Variants in TRUB1 observed in about 807,000 individuals in gnomAD.
TRUB1 encodes the protein TruB pseudouridine synthase family member 1, also known as pseudouridylate synthase TRUB1.
Under a neutral mutation model 33.9 loss-of-function variants are expected in TRUB1, and 23 were observed. The ratio of observed to expected loss-of-function variants is 0.68; its 90% confidence interval spans 0.49 to 0.96. The LOEUF (loss-of-function observed/expected upper bound fraction) is 0.96. Among genes scored for constraint, TRUB1 ranks in the 40% least tolerant of loss-of-function variants. The pLI, the probability that TRUB1 is intolerant of heterozygous loss-of-function variation, is 0.00. For synonymous variants in TRUB1, 163 were observed against 165.4 expected (o/e 0.99, Z 0.11); for missense variants, 378 against 422.2 (o/e 0.90, Z 0.92).
chr10:114,954,740 A>C (rs1289723307), intron 3 of TRUB1, among the ~76,000 whole-genome samples: 1 of 152,094 alleles, frequency 6.6e-6, no homozygotes, highest in Non-Finnish European at 1.5e-5. Context: ...TGTGTATGGA[A>C]ATTGCTCATT....
intron 3 of TRUB1, among the ~76,000 whole-genome samples, chr10:114,956,597 C>T (rs917103756): frequency 9.9e-5 from 15 of 152,082 alleles, no homozygotes; most frequent in African/African-American, 3.1e-4. Flanking sequence ...TTTCAATCAT[C>T]GGTTCGCAGG....
At chr10:114,954,065 A>AAG (rs1491119781) in intron 3 of TRUB1, among the ~76,000 whole-genome samples, 1 of 67,498 alleles carries the variant, frequency 1.5e-5, no homozygotes, top group Non-Finnish European at 4.7e-5. Context: ...CTATTTCATT[A>AAG]AAAAAAAAAA....
intron 3 of TRUB1, among the ~76,000 whole-genome samples, chr10:114,956,579 A>G (rs1436402151): frequency 1.3e-5 from 2 of 152,208 alleles, no homozygotes; most frequent in East Asian, 3.9e-4. Flanking sequence ...AAGCTAGGAG[A>G]CAGCTGATTT....
chr10:114,940,548 G>T (rs1363748005), intron 1 of TRUB1, among the ~76,000 whole-genome samples: 1 of 152,084 alleles, frequency 6.6e-6, no homozygotes, highest in Non-Finnish European at 1.5e-5. Context: ...AATCTCTACT[G>T]TTTGTCTGTT....
chr10:114,970,518 G>A lies in TRUB1; in HGVS notation c.596+78G>A, dbSNP rs994535454. ...TAACATCACTCTAGTTAAAATACACGAGTTTCCTCTTAGCATATGGCAAGG... is the reference window on the plus strand; with the variant it reads ...TAACATCACTCTAGTTAAAATACACAAGTTTCCTCTTAGCATATGGCAAGG... On this transcript the variant is annotated intron_variant, in intron 5 of 7. Coordinates refer to ENST00000298746, the MANE Select transcript of TRUB1 (RefSeq NM_139169.5). 86 of 1,097,890 alleles carry A rather than the reference G, an allele frequency of 7.8e-5. No homozygotes were observed. In the East Asian group the frequency reaches 1.1e-3, roughly 14 times the overall value. 68.0% of individuals were successfully genotyped at this position (1,097,890 alleles called of 1,614,324 possible).
chr10:114,965,822 C>A (rs2084305363), intron 4 of TRUB1, among the ~76,000 whole-genome samples: 1 of 151,884 alleles, frequency 6.6e-6, no homozygotes, highest in South Asian at 2.1e-4. Flanking sequence ...TCTAAAATTT[C>A]AAAAATATTG....
At chr10:114,962,744 G>A (rs1380966779) in intron 4 of TRUB1, among the ~76,000 whole-genome samples, 1 of 152,186 alleles carries the variant, frequency 6.6e-6, no homozygotes, top group Non-Finnish European at 1.5e-5. Flanking sequence ...AGATAGTCAT[G>A]CAGGTGTATT....
At chr10:114,963,967 G>A (rs551300993) in intron 4 of TRUB1, among the ~76,000 whole-genome samples, 3 of 54,862 alleles carry the variant, frequency 5.5e-5, no homozygotes, top group Admixed American at 2.4e-4. Flanking sequence ...AATATAGGTC[G>A]TGTGTGTGTG....
chr10:114,956,267 A>G (rs973346136), intron 3 of TRUB1, among the ~76,000 whole-genome samples: 7 of 152,170 alleles, frequency 4.6e-5, no homozygotes, highest in African/African-American at 1.7e-4. Context: ...ATTACATTGT[A>G]ATGAATACAG....
intron 3 of TRUB1, among the ~76,000 whole-genome samples, chr10:114,957,765 G>A (rs573476251): frequency 1.3e-5 from 2 of 152,152 alleles, no homozygotes; most frequent in Non-Finnish European, 2.9e-5. Context: ...GTTCAAACTC[G>A]TTGCAGAGCA....
chr10:114,967,757 C>T (rs568307175), intron 4 of TRUB1, among the ~76,000 whole-genome samples: 1 of 152,088 alleles, frequency 6.6e-6, no homozygotes. Flanking sequence ...AGTCTTTATA[C>T]TTATGTCATA....
intron 2 of TRUB1, among the ~76,000 whole-genome samples, chr10:114,950,104 G>A (rs369558835): frequency 3.9e-5 from 6 of 152,074 alleles, no homozygotes; most frequent in African/African-American, 1.4e-4. Context: ...CTCCATGTTG[G>A]TCAGGTGGGT....
intron 4 of TRUB1, among the ~76,000 whole-genome samples, chr10:114,966,303 G>A (rs2084308948): frequency 6.6e-6 from 1 of 152,078 alleles, no homozygotes; most frequent in African/African-American, 2.4e-5. Flanking sequence ...GTCCATATCT[G>A]CATACTTTTA....
At chr10:114,968,315 A>T (rs12098332) in intron 4 of TRUB1, among the ~76,000 whole-genome samples, 70,955 of 151,974 alleles carry the variant, frequency 0.47, 19,053 homozygotes, top group African/African-American at 0.74. Flanking sequence ...CATAAAGGAG[A>T]ACACAGTTGC....
chr10:114,954,168 G>A (rs546023371), intron 3 of TRUB1, among the ~76,000 whole-genome samples: 1 of 152,060 alleles, frequency 6.6e-6, no homozygotes, highest in South Asian at 2.1e-4. Flanking sequence ...GCATCACAGT[G>A]CAACTAGAAA....
At chr10:114,956,438 C>G (rs2084262055) in intron 3 of TRUB1, among the ~76,000 whole-genome samples, 1 of 152,034 alleles carries the variant, frequency 6.6e-6, no homozygotes, top group African/African-American at 2.4e-5. Context: ...TTTCTTCTAT[C>G]CCAATATCTT....
At position 114,976,121 on chromosome 10, in the gene TRUB1, TG is replaced by T. The variant is rs1239986006; in HGVS notation, c.*744del. On this transcript the variant is annotated 3_prime_UTR_variant, in exon 8 of 8. Coordinates refer to ENST00000298746, the MANE Select transcript of TRUB1 (RefSeq NM_139169.5). ...AGATATTTTCATGGTAATGTCAACA[TG>T]GTCAAGCACTTTGTACCAAGTTATT... 10 of 152,754 alleles carry T rather than the reference TG, an allele frequency of 6.5e-5. No individual in the cohort carries two copies. Among genetic ancestry groups the T allele is most frequent in the Non-Finnish European group, 1.3e-4 (9 of 68,006 alleles). The allele number at this position is 152,754 out of a possible 1,614,324, so 9.5% of individuals were successfully genotyped here.
rs1333624319 is a variant in TRUB1 at position 114,975,724 on chromosome 10, G to T, written c.*345G>T. On this transcript the variant is annotated 3_prime_UTR_variant, in exon 8 of 8. Transcript: ENST00000298746. Reference sequence around the variant, plus strand: ...ATTTCCTAATCAAAGAAAAAAGTATGAGCTCCATGTTTCTTTAGTTTCACA... The same window carrying T: ...ATTTCCTAATCAAAGAAAAAAGTATTAGCTCCATGTTTCTTTAGTTTCACA... 1 of 160,872 alleles carries T rather than the reference G, an allele frequency of 6.2e-6. No homozygotes were observed. Among genetic ancestry groups the T allele is most frequent in the Non-Finnish European group, 1.3e-5 (1 of 74,076 alleles). The allele number at this position is 160,872 out of a possible 1,614,324, so 10.0% of individuals were successfully genotyped here.
chr10:114,952,300 G>A (rs2084239301), intron 3 of TRUB1, among the ~76,000 whole-genome samples: 1 of 152,180 alleles, frequency 6.6e-6, no homozygotes, highest in Non-Finnish European at 1.5e-5. Flanking sequence ...AAGTATCCAG[G>A]CGTGGTGCTA....
Sources: allele counts gnomAD v4.1 joint callset (sites outside exome capture counted in the v4.1 genomes callset), GRCh38; gene constraint gnomAD v4.1.1; transcripts MANE v1.5; gene names NCBI Gene and HGNC (gene_info 2026-07-23, HGNC 2026-07-21).